TUSC3: variants seen among roughly 807,000 people sequenced by gnomAD.
TUSC3 encodes tumor suppressor candidate 3, also known as dolichyl-diphosphooligosaccharide--protein glycosyltransferase subunit TUSC3.
In TUSC3, 45 loss-of-function variants were observed where a neutral mutation model predicts 44.8. The ratio of observed to expected loss-of-function variants is 1.00; its 90% CI spans 0.79 to 1.29. The LOEUF (loss-of-function observed/expected upper bound fraction) is 1.29, where lower values mean the gene tolerates loss of function less well. Ranked by LOEUF, TUSC3 falls within the 50% of genes most tolerant of loss-of-function variation. The pLI is 0.00. For synonymous variants in TUSC3, 212 were observed against 152.9 expected (o/e 1.39, Z -2.85); for missense variants, 519 against 437.9 (o/e 1.19, Z -1.65).
intron 9 of TUSC3, among the ~76,000 whole-genome samples, chr8:15,755,729 TAAAAA>T (rs1400172643): frequency 6.6e-6 from 1 of 151,042 alleles, no homozygotes; most frequent in Non-Finnish European, 1.5e-5. Flanking sequence ...GTGATTTTCT[TAAAAA>T]AAGAAAAAAA....
At chr8:15,680,512 T>C (rs959566571) in intron 6 of TUSC3, among the ~76,000 whole-genome samples, 3 of 152,172 alleles carry the variant, frequency 2.0e-5, no homozygotes, top group Non-Finnish European at 4.4e-5. Flanking sequence ...GTTTTCTAGA[T>C]ACAGAATCAT....
chr8:15,733,311 A>G (rs1810797249), intron 7 of TUSC3: 2 of 364,370 alleles, frequency 5.5e-6, no homozygotes, highest in South Asian at 2.1e-5. Flanking sequence ...GTTGCAGGTA[A>G]GTTTTTAACT....
At chr8:15,680,411 T>C (rs1423561474) in intron 6 of TUSC3, among the ~76,000 whole-genome samples, 1 of 152,040 alleles carries the variant, frequency 6.6e-6, no homozygotes, top group Non-Finnish European at 1.5e-5. Context: ...TTGAACGTTA[T>C]TGGTGTTTTA....
At chr8:15,692,371 C>CCCCCCCCT (rs1563175839) in intron 6 of TUSC3, among the ~76,000 whole-genome samples, 1 of 18,816 alleles carries the variant, frequency 5.3e-5, no homozygotes, top group Non-Finnish European at 1.0e-4. Context: ...CCCCCCCCCC[C>CCCCCCCCT]TTTGTTTTTT....
intron 1 of TUSC3, among the ~76,000 whole-genome samples, chr8:15,459,582 A>C (rs1332542653): frequency 6.6e-6 from 1 of 152,006 alleles, no homozygotes; most frequent in Non-Finnish European, 1.5e-5. Flanking sequence ...AGCAGTATAC[A>C]CTGCACCCTA....
At chr8:15,421,884 GTAA>G (rs1406545932) in intron 1 of TUSC3, among the ~76,000 whole-genome samples, 2 of 152,126 alleles carry the variant, frequency 1.3e-5, no homozygotes, top group Non-Finnish European at 2.9e-5. Context: ...AAAATGGAAT[GTAA>G]TAATTATTTG....
downstream of TUSC3, among the ~76,000 whole-genome samples, chr8:15,767,256 G>A (rs1812358840): frequency 1.3e-5 from 2 of 151,776 alleles, no homozygotes; most frequent in African/African-American, 2.4e-5. Flanking sequence ...TATACCAAGG[G>A]TCCAACTACT....
chr8:15,613,760 A>C lies in TUSC3; in HGVS notation c.139-9320A>C, dbSNP rs78932418. On this transcript the variant is annotated intron_variant, in intron 1 of 10. Transcript: ENST00000503731. ...TAAGAGTTGTATTATATTCCATCTT[A>C]TAGATATTTCTGTTCTCCTTTAACT... 9.9e-3 allele frequency among the ~76,000 whole-genome samples: 1,508 copies of C among 152,274 alleles called. 65 individuals carry two copies. The East Asian group carries it at 0.1, about 11-fold the overall frequency.
intron 6 of TUSC3, among the ~76,000 whole-genome samples, chr8:15,703,505 G>T (rs985409923): frequency 1.3e-5 from 2 of 152,016 alleles, no homozygotes; most frequent in African/African-American, 4.8e-5. Context: ...TGGCCATTTG[G>T]GTTGTTATAA....
At chr8:15,800,268 T>G in the TUSC3 span, among the ~76,000 whole-genome samples, 1 of 152,142 alleles carries the variant, frequency 6.6e-6, no homozygotes, top group Admixed American at 6.6e-5. Flanking sequence ...GACAACATCA[T>G]AGATGACATT....
chr8:15,457,242 A>G (rs1242811254), intron 1 of TUSC3, among the ~76,000 whole-genome samples: 1 of 152,056 alleles, frequency 6.6e-6, no homozygotes, highest in African/African-American at 2.4e-5. Context: ...GGTGCAGCAC[A>G]CCAACATGGC....
At chr8:15,694,804 A>T (rs1219492805) in intron 6 of TUSC3, among the ~76,000 whole-genome samples, 13 of 152,042 alleles carry the variant, frequency 8.6e-5, no homozygotes, top group Admixed American at 8.5e-4. Flanking sequence ...GGAGGGGGTG[A>T]GTTGTTCCCA....
intron 2 of TUSC3, among the ~76,000 whole-genome samples, chr8:15,500,428 T>G (rs1800944028): frequency 6.6e-6 from 1 of 152,210 alleles, no homozygotes; most frequent in Non-Finnish European, 1.5e-5. Context: ...AAAATCACCA[T>G]TGGGATTTTT....
the TUSC3 span, among the ~76,000 whole-genome samples, chr8:15,819,150 TA>T: frequency 6.6e-6 from 1 of 152,174 alleles, no homozygotes; most frequent in Admixed American, 6.5e-5. Flanking sequence ...CCACGAGTCA[TA>T]GATGGTTTTC....
At chr8:15,700,843 C>T (rs1354840241) in intron 6 of TUSC3, among the ~76,000 whole-genome samples, 3 of 80,532 alleles carry the variant, frequency 3.7e-5, no homozygotes, top group African/African-American at 1.8e-4. Flanking sequence ...GAGGGAATGG[C>T]TGGAGCTTTT....
chr8:15,813,475 G>T, the TUSC3 span, among the ~76,000 whole-genome samples: 879 of 151,992 alleles, frequency 5.8e-3, 5 homozygotes, highest in African/African-American at 0.02. Flanking sequence ...TCTGATACTG[G>T]TTCTTTCCTG....
chr8:15,533,027 G>A (rs975251609), intron 2 of TUSC3, among the ~76,000 whole-genome samples: 4 of 152,144 alleles, frequency 2.6e-5, no homozygotes, highest in African/African-American at 9.7e-5. Context: ...TCCTGACCTT[G>A]GTGTTCCCCT....
intron 2 of TUSC3, among the ~76,000 whole-genome samples, 167 bp downstream of exon 2, chr8:15,623,416 G>A (rs1436485940): frequency 1.3e-5 from 2 of 152,000 alleles, no homozygotes; most frequent in African/African-American, 2.4e-5. Context: ...TAGAAATATA[G>A]GCTAATATTC....
intron 1 of TUSC3, among the ~76,000 whole-genome samples, chr8:15,478,333 G>C (rs548519658): frequency 3.3e-5 from 5 of 152,154 alleles, no homozygotes; most frequent in African/African-American, 1.2e-4. Context: ...TTTTACATAA[G>C]TATACGTGTG....
Sources: allele counts gnomAD v4.1 joint callset (sites outside exome capture counted in the v4.1 genomes callset), GRCh38; gene constraint gnomAD v4.1.1; transcripts MANE v1.5; gene names NCBI Gene and HGNC (gene_info 2026-07-23, HGNC 2026-07-21).